The following GSG1L variants were observed in gnomAD, a reference collection of about 807,000 sequenced individuals.
GSG1L encodes GSG1 like, also known as germ cell-specific gene 1-like protein.
A neutral mutation model predicts 42.1 loss-of-function variants in GSG1L; 24 were observed. The ratio of observed to expected loss-of-function variants is 0.57; its 90% confidence interval spans 0.41 to 0.80. The LOEUF (loss-of-function observed/expected upper bound fraction) is 0.80. Ranked by LOEUF, GSG1L falls within the 30% of genes least tolerant of loss-of-function variation. The probability of loss-of-function intolerance (pLI) is 0.00; values close to 1 mark genes in which losing one functional copy is unlikely to be tolerated. For missense variants in GSG1L, 445 were observed against 472.2 expected (o/e 0.94, Z 0.53); for synonymous variants, 215 against 203.5 (o/e 1.06, Z -0.48).
chr16:27,863,380 GA>G (rs989768508), intron 3 of GSG1L: 24 of 152,264 alleles, frequency 1.6e-4, no homozygotes, highest in African/African-American at 5.5e-4. Context: ...TATTGAATCA[GA>G]TAACAAAACT....
chr16:28,035,280 G>C (rs922296247), intron 1 of GSG1L, among the ~76,000 whole-genome samples: 2 of 152,066 alleles, frequency 1.3e-5, no homozygotes, highest in African/African-American at 4.8e-5. Flanking sequence ...CAAAGTGCTG[G>C]GATTCCAGGT....
intron 1 of GSG1L, among the ~76,000 whole-genome samples, chr16:27,978,509 A>C (rs990801105): frequency 4.6e-5 from 7 of 151,884 alleles, no homozygotes; most frequent in African/African-American, 9.7e-5. Flanking sequence ...TGGCCAACAT[A>C]GCAAAACCCC....
At chr16:27,918,835 A>G (rs1305267094) in intron 2 of GSG1L, among the ~76,000 whole-genome samples, 2 of 152,136 alleles carry the variant, frequency 1.3e-5, no homozygotes, top group Non-Finnish European at 2.9e-5. Flanking sequence ...TTTCTGATAC[A>G]TCTGATGTAA....
chr16:27,973,876 G>A (rs2085223105), intron 1 of GSG1L, among the ~76,000 whole-genome samples: 1 of 152,182 alleles, frequency 6.6e-6, no homozygotes, highest in African/African-American at 2.4e-5. Context: ...TGAGGCTGCT[G>A]CAGACATGCT....
intron 4 of GSG1L, among the ~76,000 whole-genome samples, chr16:27,838,632 A>G (rs1047659741): frequency 3.3e-5 from 5 of 152,188 alleles, no homozygotes; most frequent in African/African-American, 1.2e-4. Context: ...AACCTACTCC[A>G]GGCCCTGCCC....
intron 3 of GSG1L, among the ~76,000 whole-genome samples, chr16:27,874,279 CT>C (rs1427432176): frequency 6.6e-6 from 1 of 151,842 alleles, no homozygotes; most frequent in Non-Finnish European, 1.5e-5. Context: ...AAAGATCAGC[CT>C]TGCAATTAGA....
At position 27,854,095 on chromosome 16, in the gene GSG1L, T is replaced by A. The variant is rs112753837; in HGVS notation, c.551-9034A>T. ...AAGAAAAAGGTTGAGAAGAATACGC[T>A]ATCAAGAGAGAGACAGTTTCTCTTC... On this transcript the variant is annotated intron_variant, in intron 3 of 6. Transcript: ENST00000447459. Among the ~76,000 whole-genome samples the A allele has an allele frequency of 7.4e-3, 1,127 of 151,640 alleles. 11 individuals are homozygous for A. Among genetic ancestry groups the A allele is most frequent in the African/African-American group, 0.026 (1,056 of 41,286 alleles).
intron 1 of GSG1L, among the ~76,000 whole-genome samples, chr16:27,979,665 G>GAAAGAAAGAA (rs1567542786): frequency 5.1e-4 from 19 of 37,484 alleles, no homozygotes; most frequent in African/African-American, 1.2e-3. Context: ...GAAAGAAAGA[G>GAAAGAAAGAA]AGAGAGAGAG....
intron 6 of GSG1L, among the ~76,000 whole-genome samples, chr16:27,799,125 C>T (rs949380662): frequency 2.0e-5 from 3 of 151,850 alleles, no homozygotes; most frequent in South Asian, 2.1e-4. Context: ...GGGAGCAGGC[C>T]GGGTGTGGTG....
In GSG1L at chr16:28,057,251, C is replaced by T. The variant is rs1183512693; in HGVS notation, c.349+5825G>A. ...ACCCTCCAGCCACCGGGTGGAGAAA[C>T]GGACCATGAAGTCAAAGCCAGGAGC... On this transcript the variant is annotated intron_variant, in intron 1 of 6. Coordinates refer to ENST00000447459, the MANE Select transcript of GSG1L (RefSeq NM_001109763.2). Among the ~76,000 whole-genome samples, 5 of 152,236 alleles carry T rather than the reference C, an allele frequency of 3.3e-5. No homozygotes were observed. In the East Asian group the frequency reaches 9.7e-4, roughly 30 times the overall value.
rs562368259 is a variant in GSG1L, at chr16:28,063,189, T to C, written c.236A>G (p.Asn79Ser). The change falls in exon 1 of 7, where the codon AAC becomes AGC. Residue 79 changes from asparagine to serine, a missense_variant. Transcript: ENST00000447459. This position sits in a 1 kb window ranked among gnomAD's most constrained non-coding sequence, Gnocchi z 5.8. ...GTAGAGCGCGCCGCCAGGGGGGCCG[T>C]TCCCCGAGGCGGTGGCGGCGGCGGC... ...AAAAAATASG[N>S]GPPGGALYSW... 828 of 1,308,958 alleles carry C rather than the reference T, an allele frequency of 6.3e-4. 11 individuals carry two copies. The South Asian group carries it at 0.016, about 26-fold the overall frequency. The allele number at this position is 1,308,958 out of a possible 1,614,324, so 81.1% of individuals were successfully genotyped here.
chr16:27,983,589 A>G (rs763550499), intron 1 of GSG1L, among the ~76,000 whole-genome samples: 3 of 152,190 alleles, frequency 2.0e-5, no homozygotes, highest in Non-Finnish European at 4.4e-5. Context: ...AGCAAGGCAA[A>G]TATTTTCCCC....
chr16:28,045,179 C>T (rs2086147577), intron 1 of GSG1L, among the ~76,000 whole-genome samples: 1 of 152,126 alleles, frequency 6.6e-6, no homozygotes, highest in African/African-American at 2.4e-5. Flanking sequence ...ACAGAAAGTG[C>T]AACGCTATGA....
intron 3 of GSG1L, among the ~76,000 whole-genome samples, chr16:27,881,351 C>T (rs915903884): frequency 3.3e-5 from 5 of 149,708 alleles, no homozygotes; most frequent in Non-Finnish European, 7.4e-5. Context: ...AAGTGATTCT[C>T]CTGCCTCAGC....
chr16:27,973,840 C>T (rs1008275171), intron 1 of GSG1L, among the ~76,000 whole-genome samples: 1 of 152,142 alleles, frequency 6.6e-6, no homozygotes, highest in Non-Finnish European at 1.5e-5. Context: ...GCTGGGACAA[C>T]TCAGTGGGCG....
At chr16:28,055,564 C>A (rs1181530977) in intron 1 of GSG1L, among the ~76,000 whole-genome samples, 2 of 151,944 alleles carry the variant, frequency 1.3e-5, no homozygotes, top group East Asian at 3.9e-4. Flanking sequence ...CTCTGCCTTC[C>A]GGGTTCAAGC....
At chr16:27,893,518 A>G (rs970441980) in intron 2 of GSG1L, among the ~76,000 whole-genome samples, 4 of 152,238 alleles carry the variant, frequency 2.6e-5, no homozygotes, top group Admixed American at 1.3e-4. Context: ...AGAGTTGAAG[A>G]AAGTTAAGTA....
intron 1 of GSG1L, among the ~76,000 whole-genome samples, chr16:28,037,288 A>G (rs2086050769): frequency 6.6e-6 from 1 of 152,246 alleles, no homozygotes; most frequent in Non-Finnish European, 1.5e-5. Context: ...GGCCCCCCAA[A>G]GTGCTGGGAT....
At chr16:27,927,650 C>T (rs2084610176) in intron 2 of GSG1L, among the ~76,000 whole-genome samples, 1 of 152,162 alleles carries the variant, frequency 6.6e-6, no homozygotes, top group Non-Finnish European at 1.5e-5. Flanking sequence ...AAGTTCCTAC[C>T]TTAGTTGGCT....
Sources: allele counts gnomAD v4.1 joint callset (sites outside exome capture counted in the v4.1 genomes callset), GRCh38; gene constraint gnomAD v4.1.1; non-coding constraint Gnocchi (gnomAD v3.1); transcripts MANE v1.5; gene names NCBI Gene and HGNC (gene_info 2026-07-23, HGNC 2026-07-21).